Variants in CSMD2 observed in about 807,000 individuals in gnomAD.
CSMD2 encodes CUB and Sushi multiple domains 2.
A neutral mutation model predicts 398.5 loss-of-function variants in CSMD2; 130 were observed. The observed-to-expected ratio is 0.33, with a 90% CI of 0.28 to 0.38. The LOEUF (loss-of-function observed/expected upper bound fraction) is 0.38, where lower values mean the gene tolerates loss of function less well. Ranked by LOEUF, CSMD2 falls within the 10% of genes least tolerant of loss-of-function variation. The pLI is 1.00. For synonymous variants in CSMD2, 1,828 were observed against 1,908.5 expected (o/e 0.96, Z 1.10); for missense variants, 3,829 against 4,764.9 (o/e 0.80, Z 5.78).
rs1652387236 is a variant in CSMD2 at position 34,045,265 on chromosome 1, A to C, written c.405-12559T>G. Among the ~76,000 whole-genome samples, 4 of 152,274 alleles carry C rather than the reference A, an allele frequency of 2.6e-5. No individual in the cohort carries two copies. In the South Asian group the frequency reaches 8.3e-4, roughly 32 times the overall value. On this transcript the variant is annotated intron_variant, in intron 2 of 70. Coordinates refer to ENST00000373381, the MANE Select transcript of CSMD2 (RefSeq NM_001281956.2). ...TCTCTCTGGGAAAGGATATGCCCAG[A>C]GAAGGTAGATCATGGAGCTGAGGCT...
At chr1:34,155,941 A>G (rs1318474452) in intron 1 of CSMD2, among the ~76,000 whole-genome samples, 1 of 152,196 alleles carries the variant, frequency 6.6e-6, no homozygotes, top group African/African-American at 2.4e-5. Flanking sequence ...TTCTGTTCAC[A>G]TAGGTGGTTA....
intron 5 of CSMD2, chr1:33,868,939 G>C (rs1640243214): frequency 6.6e-6 from 1 of 152,202 alleles, no homozygotes; most frequent in Admixed American, 6.5e-5. Flanking sequence ...AGCCAGACAA[G>C]CCAAGGTGTA....
chr1:33,873,135 T>C (rs1640593550), intron 5 of CSMD2, among the ~76,000 whole-genome samples: 1 of 152,206 alleles, frequency 6.6e-6, no homozygotes, highest in Non-Finnish European at 1.5e-5. Context: ...TAAGGAATTA[T>C]ACCCAAGAGC....
chr1:33,914,281 G>A (rs1643611022), intron 5 of CSMD2, among the ~76,000 whole-genome samples: 1 of 152,120 alleles, frequency 6.6e-6, no homozygotes, highest in African/African-American at 2.4e-5. Context: ...GTGTAAGGGG[G>A]GACAGGTGTG....
At chr1:33,908,951 C>T (rs909736542) in intron 5 of CSMD2, among the ~76,000 whole-genome samples, 15 of 152,274 alleles carry the variant, frequency 9.9e-5, no homozygotes, top group South Asian at 2.1e-4. Flanking sequence ...AGGACAGTTA[C>T]TTAGTGTGAC....
At chr1:33,588,911 T>C (rs1306893105) in intron 44 of CSMD2, among the ~76,000 whole-genome samples, 1 of 152,160 alleles carries the variant, frequency 6.6e-6, no homozygotes, top group African/African-American at 2.4e-5. Flanking sequence ...ATCCCCGCCA[T>C]GGAATTGGAG....
intron 52 of CSMD2, among the ~76,000 whole-genome samples, chr1:33,568,266 C>A (rs910498204): frequency 6.7e-6 from 1 of 150,168 alleles, no homozygotes; most frequent in Non-Finnish European, 1.5e-5. Flanking sequence ...TGGCTCACTG[C>A]AATGTCCACC....
chr1:33,711,325 C>T (rs1308370524), intron 21 of CSMD2, among the ~76,000 whole-genome samples: 4 of 152,176 alleles, frequency 2.6e-5, no homozygotes, highest in Admixed American at 6.5e-5. Flanking sequence ...TAGGCAGAGG[C>T]CTGTGGTGCA....
At chr1:33,732,368 A>T (rs1025539425) in intron 15 of CSMD2, among the ~76,000 whole-genome samples, 1 of 152,218 alleles carries the variant, frequency 6.6e-6, no homozygotes, top group Admixed American at 6.5e-5. Context: ...CACCAATGTG[A>T]CTGCATTTGG....
chr1:33,923,375 GA>G (rs1410163186), intron 4 of CSMD2, among the ~76,000 whole-genome samples: 1 of 152,054 alleles, frequency 6.6e-6, no homozygotes, highest in Non-Finnish European at 1.5e-5. Flanking sequence ...CTGGTCATGT[GA>G]AGTGCCTGCT....
chr1:33,991,756 T>A (rs1026005969), intron 3 of CSMD2, among the ~76,000 whole-genome samples: 1 of 151,906 alleles, frequency 6.6e-6, no homozygotes, highest in Non-Finnish European at 1.5e-5. Context: ...TCTGACTCAA[T>A]AAAATAGGCC....
chr1:33,675,531 A>G (rs566889008), intron 25 of CSMD2, among the ~76,000 whole-genome samples: 1 of 152,350 alleles, frequency 6.6e-6, no homozygotes, highest in East Asian at 1.9e-4. Flanking sequence ...CCAGAGGTAC[A>G]AGGAGAAGCT....
intron 53 of CSMD2, among the ~76,000 whole-genome samples, chr1:33,564,397 G>A (rs77932153): frequency 6.6e-6 from 1 of 151,944 alleles, no homozygotes; most frequent in Non-Finnish European, 1.5e-5. Context: ...ATGTCTTTAG[G>A]CCAGGCAGAC....
At chr1:34,068,772 C>T (rs1655395586) in intron 2 of CSMD2, among the ~76,000 whole-genome samples, 1 of 152,138 alleles carries the variant, frequency 6.6e-6, no homozygotes, top group Non-Finnish European at 1.5e-5. Context: ...ATCATGGGGG[C>T]AGGTCTTTCC....
rs368036479 is a variant in CSMD2 at position 33,519,940 on chromosome 1, C to T, written c.10608G>A (p.Leu3536=). The part of the protein sequence containing the change: ...QFGFQRLDLR[L]LESDPESIGR... ...CAATGGACTCGGGGTCTGACTCCAGCAGCCTGAGGTCTGTAAAGTCCCAAA... is the reference window on the plus strand; with the variant it reads ...CAATGGACTCGGGGTCTGACTCCAGTAGCCTGAGGTCTGTAAAGTCCCAAA... The change falls in exon 69 of 71, where the codon CTG becomes CTA. Residue 3536 remains leucine, a synonymous_variant. Coordinates refer to ENST00000373381, the MANE Select transcript of CSMD2 (RefSeq NM_001281956.2). This position sits in a 1 kb window ranked among gnomAD's most constrained non-coding sequence, Gnocchi z 5.6. The T allele has an allele frequency of 2.5e-6, 4 of 1,614,160 alleles. No homozygotes were observed. The highest frequency in any genetic ancestry group is 4.5e-5 in the East Asian group (2 of 44,880).
rs565923228 is a variant in CSMD2 at position 33,596,763 on chromosome 1, A to T, written c.6856+4102T>A. Among the ~76,000 whole-genome samples the T allele has an allele frequency of 3.9e-5, 6 of 152,306 alleles. No individual in the cohort carries two copies. The East Asian group carries it at 7.7e-4, about 20-fold the overall frequency. On this transcript the variant is annotated intron_variant, in intron 44 of 70. Transcript: ENST00000373381. ...TTATCTCCACCTGGTCCCTCCCATG[A>T]CATATGGGGATTATGGGAACTACAA...
chr1:33,621,477 C>A (rs936425242), intron 37 of CSMD2, among the ~76,000 whole-genome samples: 1 of 152,118 alleles, frequency 6.6e-6, no homozygotes, highest in Admixed American at 6.5e-5. Context: ...CTTTCCCAAT[C>A]GTGGCAAAAC....
rs12562284 is a variant in CSMD2 at position 33,941,396 on chromosome 1, C to T, written c.518-5442G>A. Among the ~76,000 whole-genome samples the T allele has an allele frequency of 3.2e-3, 483 of 152,298 alleles. 13 individuals are homozygous for T. In the East Asian group the frequency reaches 0.065, roughly 20 times the overall value. Reference sequence around the variant, plus strand: ...CCATATGTTTTGATTTCTTCTCTTCCATCAAGTAACTTGTTTCATCTCCAT... The same window carrying T: ...CCATATGTTTTGATTTCTTCTCTTCTATCAAGTAACTTGTTTCATCTCCAT... On this transcript the variant is annotated intron_variant, in intron 3 of 70. Transcript: ENST00000373381.
At chr1:33,832,907 T>C (rs1659767518) in intron 6 of CSMD2, among the ~76,000 whole-genome samples, 1 of 152,108 alleles carries the variant, frequency 6.6e-6, no homozygotes, top group African/African-American at 2.4e-5. Context: ...CTAGAAGAAA[T>C]GGATAAATTC....
Sources: gnomAD v4.1 joint callset for allele counts (sites outside exome capture counted in the v4.1 genomes callset) on GRCh38, gnomAD v4.1.1 for gene constraint, Gnocchi (gnomAD v3.1) non-coding constraint, MANE v1.5 for transcripts, NCBI Gene and HGNC (gene_info 2026-07-23, HGNC 2026-07-21) for gene names.